The following ZNF362 variants were observed in gnomAD, a reference collection of about 807,000 sequenced individuals.
The protein encoded by ZNF362 is zinc finger protein 362.
A neutral mutation model predicts 42.9 loss-of-function variants in ZNF362; 11 were observed. The observed-to-expected ratio is 0.26, with a 90% CI of 0.16 to 0.42. ZNF362 has a LOEUF of 0.42. ZNF362 is among the 20% of genes least tolerant of loss of function. The probability of loss-of-function intolerance (pLI) is 1.00; values close to 1 mark genes in which losing one functional copy is unlikely to be tolerated. For missense variants in ZNF362, 362 were observed against 576.2 expected, an observed-to-expected ratio of 0.63 and a Z score of 3.81; for synonymous variants, 255 against 257.3, an observed-to-expected ratio of 0.99 and a Z score of 0.09.
At chr1:33,285,498 T>G (rs763964155) in intron 6 of ZNF362, among the ~76,000 whole-genome samples, 58 of 152,290 alleles carry the variant, frequency 3.8e-4, no homozygotes, top group Middle Eastern at 6.8e-3. Flanking sequence ...TATCACTAAT[T>G]GTTTAGGGCA....
intron 1 of ZNF362, among the ~76,000 whole-genome samples, chr1:33,257,462 G>C (rs2148056012): frequency 6.7e-6 from 1 of 149,194 alleles, no homozygotes; most frequent in African/African-American, 2.5e-5. Flanking sequence ...GAAATGCCGC[G>C]AAAGGATCTC....
At chr1:33,159,636 G>A in the ZNF362 span, 38 of 1,565,400 alleles carry the variant, frequency 2.4e-5, no homozygotes, top group African/African-American at 3.9e-4. This position sits in a 1 kb window ranked among gnomAD's most constrained non-coding sequence, Gnocchi z 4.2. Flanking sequence ...TGCCCAGCAT[G>A]GGTCGAGGAG....
the ZNF362 span, among the ~76,000 whole-genome samples, chr1:33,215,723 T>C: frequency 6.6e-6 from 1 of 152,142 alleles, no homozygotes; most frequent in Non-Finnish European, 1.5e-5. Flanking sequence ...AAAAATGAAG[T>C]TCACAGTCAC....
the ZNF362 span, among the ~76,000 whole-genome samples, chr1:33,245,426 G>T: frequency 1.3e-5 from 2 of 151,900 alleles, no homozygotes; most frequent in Non-Finnish European, 2.9e-5. Context: ...AATGACATAG[G>T]CTTGCTATAG....
the ZNF362 span, among the ~76,000 whole-genome samples, chr1:33,187,978 G>C: frequency 4.3e-4 from 65 of 152,338 alleles, no homozygotes; most frequent in Non-Finnish European, 7.6e-4. Context: ...GCTCACGCCT[G>C]TAATCCCAGC....
the ZNF362 span, among the ~76,000 whole-genome samples, chr1:33,178,696 C>A: frequency 6.6e-6 from 1 of 152,228 alleles, no homozygotes; most frequent in African/African-American, 2.4e-5. Flanking sequence ...AGTGACTCAC[C>A]AAGGTGCACA....
rs377393924 is a variant in ZNF362 at position 33,276,422 on chromosome 1, G to T, written c.177G>T (p.Pro59=). Residue 59 remains proline (P), a synonymous_variant, in exon 4 of 9, where the codon CCG becomes CCT. Coordinates refer to ENST00000539719, the MANE Select transcript of ZNF362 (RefSeq NM_152493.3). ...MAEKIRPPHL[P]PTSASSQQPL... ...AGAAGATCAGGCCGCCTCACCTGCC[G>T]CCCACGTCGGCCTCGTCGCAGCAGC... 14 of 1,581,526 alleles carry T rather than the reference G, an allele frequency of 8.9e-6. No individual in the cohort carries two copies. In the African/African-American group the frequency reaches 1.6e-4, roughly 18 times the overall value.
At chr1:33,297,620 T>C (rs1437838137) in intron 8 of ZNF362, among the ~76,000 whole-genome samples, 1 of 148,726 alleles carries the variant, frequency 6.7e-6, no homozygotes, top group East Asian at 2.0e-4. Flanking sequence ...CAAGCGATTC[T>C]CCTGCCTCAG....
At chr1:33,179,644 G>A in the ZNF362 span, among the ~76,000 whole-genome samples, 5 of 152,170 alleles carry the variant, frequency 3.3e-5, no homozygotes, top group Non-Finnish European at 7.4e-5. Flanking sequence ...TTATTGGTGT[G>A]TACTGTGGGC....
chr1:33,279,911 A>T (rs1473562566), intron 4 of ZNF362, among the ~76,000 whole-genome samples: 1 of 152,114 alleles, frequency 6.6e-6, no homozygotes, highest in South Asian at 2.1e-4. Flanking sequence ...TATAGTTTGA[A>T]TTTTTCCAAA....
At chr1:33,181,390 G>C in the ZNF362 span, 1 of 1,602,884 alleles carries the variant, frequency 6.2e-7, no homozygotes, top group African/African-American at 1.3e-5. This position sits in a 1 kb window ranked among gnomAD's most constrained non-coding sequence, Gnocchi z 6.5. Flanking sequence ...TAGATGCTCA[G>C]GCAGATGGAG....
chr1:33,210,403 T>C, the ZNF362 span, among the ~76,000 whole-genome samples: 3 of 152,192 alleles, frequency 2.0e-5, no homozygotes, highest in African/African-American at 7.2e-5. Context: ...TATATTCTGT[T>C]GATTTGGGGT....
chr1:33,236,795 T>C, the ZNF362 span, among the ~76,000 whole-genome samples: 12 of 151,752 alleles, frequency 7.9e-5, no homozygotes, highest in Admixed American at 5.9e-4. Flanking sequence ...AAATATCACA[T>C]TGTGGCCAAG....
the ZNF362 span, among the ~76,000 whole-genome samples, chr1:33,234,698 T>C: frequency 1.3e-5 from 2 of 152,300 alleles, no homozygotes; most frequent in African/African-American, 4.8e-5. Context: ...TCCTGACTTG[T>C]CCACTGGCTC....
the ZNF362 span, among the ~76,000 whole-genome samples, chr1:33,189,680 TATAC>T: frequency 0.022 from 1,019 of 46,604 alleles, 106 homozygotes; most frequent in African/African-American, 0.066. Flanking sequence ...TATGTATATA[TATAC>T]GTATATATAT....
chr1:33,240,256 T>C, the ZNF362 span, among the ~76,000 whole-genome samples: 2 of 152,172 alleles, frequency 1.3e-5, no homozygotes, highest in Non-Finnish European at 2.9e-5. Flanking sequence ...GGCACTGAAT[T>C]AGTGACATAC....
chr1:33,295,172 A>G lies in ZNF362; in HGVS notation c.1013A>G (p.Asp338Gly), dbSNP rs773048126. Residue 338 changes from aspartate (D) to glycine (G), a missense_variant, in exon 8 of 9, where the codon GAC becomes GGC. Asp to Gly is a moderately conservative substitution (Grantham distance 94). Transcript: ENST00000539719. ...LQSHQRQHNK[D>G]KPYKCPNCYR... ...TCTCACCAGCGCCAGCACAACAAGGACAAGCCCTACAAGTGTCCCAACTGC... is the reference window on the plus strand; with the variant it reads ...TCTCACCAGCGCCAGCACAACAAGGGCAAGCCCTACAAGTGTCCCAACTGC... 6.2e-7 allele frequency: 1 copy of G among 1,614,080 alleles called. No individual in the cohort carries two copies.
At chr1:33,213,959 G>T in the ZNF362 span, among the ~76,000 whole-genome samples, 1 of 152,074 alleles carries the variant, frequency 6.6e-6, no homozygotes, top group Non-Finnish European at 1.5e-5. Context: ...AAAAGTCTAG[G>T]GATTTTACTG....
At chr1:33,146,817 T>C in the ZNF362 span, 2 of 311,568 alleles carry the variant, frequency 6.4e-6, no homozygotes, top group Admixed American at 4.6e-5. Flanking sequence ...CTACTGGCCA[T>C]GCTCTGACAC....
Sources: gnomAD v4.1 joint callset for allele counts (sites outside exome capture counted in the v4.1 genomes callset) on GRCh38, gnomAD v4.1.1 for gene constraint, Gnocchi (gnomAD v3.1) non-coding constraint, MANE v1.5 for transcripts, NCBI Gene and HGNC (gene_info 2026-07-23, HGNC 2026-07-21) for gene names.